ACTR6: variants seen among roughly 807,000 people sequenced by gnomAD.
The protein encoded by ACTR6 is actin-related protein 6.
A neutral mutation model predicts 52.5 loss-of-function variants in ACTR6; 50 were observed. The ratio of observed to expected loss-of-function variants is 0.95; its 90% CI spans 0.76 to 1.20. The LOEUF (loss-of-function observed/expected upper bound fraction) is 1.20, where lower values mean the gene tolerates loss of function less well. ACTR6 is among the 50% of genes most tolerant of loss of function. The pLI, the probability that ACTR6 is intolerant of heterozygous loss-of-function variation, is 0.00. For synonymous variants in ACTR6, 135 were observed against 147.2 expected (o/e 0.92, Z 0.60); for missense variants, 344 against 472.4 (o/e 0.73, Z 2.52).
rs557880831 is a variant in ACTR6 at position 100,203,267 on chromosome 12, T to A, written c.69-1673T>A. ...GGTTGGGGATCCCTGCCCTATAGCA[T>A]CTTGCTGATTGAAGATCTTTGGCTT... is the stretch of plus-strand genomic sequence containing the variant. On this transcript the variant is annotated intron_variant, in intron 1 of 10. Transcript: ENST00000188312. Among the ~76,000 whole-genome samples the A allele has an allele frequency of 5.3e-5, 8 of 152,232 alleles. No homozygotes were observed. The East Asian group carries it at 1.5e-3, about 29-fold the overall frequency.
In ACTR6 at chr12:100,207,469, ATGT is replaced by A. The variant is rs145672294; in HGVS notation, c.256-193_256-191del. ...GACTCCCTGGATTCAAATCTTACCT[ATGT>A]CATTAAATAGCTCTATGAACTTGGT... On this transcript the variant is annotated intron_variant, in intron 3 of 10. Transcript: ENST00000188312. 8.1e-3 allele frequency among the ~76,000 whole-genome samples: 1,228 copies of A among 152,262 alleles called. 7 individuals carry two copies. The highest frequency in any genetic ancestry group is 0.014 in the Non-Finnish European group (921 of 68,020).
chr12:100,218,781 A>G lies in ACTR6; in HGVS notation c.922+195A>G, dbSNP rs2096125795. ...TTATAAGTTTTTTTTTGTGATTATA[A>G]ATTCGATAGAGGAAAAATCATTATG... On this transcript the variant is annotated intron_variant, in intron 9 of 10. Transcript: ENST00000188312. The surrounding 1 kb of genome is among the most constrained non-coding windows in gnomAD (Gnocchi z 4.2). Among the ~76,000 whole-genome samples, 1 of 151,538 alleles carries G rather than the reference A, an allele frequency of 6.6e-6. No homozygotes were observed. Among genetic ancestry groups the G allele is most frequent in the Non-Finnish European group, 1.5e-5 (1 of 68,008 alleles).
rs182589437 is a variant in ACTR6, at chr12:100,204,533, G to T, written c.69-407G>T. Among the ~76,000 whole-genome samples, 642 of 152,054 alleles carry T rather than the reference G, an allele frequency of 4.2e-3. 4 individuals carry two copies. The highest frequency in any genetic ancestry group is 0.014 in the African/African-American group (593 of 41,474). ...GTGCCACCATGCCTGGCTAATTTTT[G>T]TGTTTTTTTTTAGTAGAGGTAGGGT... On this transcript the variant is annotated intron_variant, in intron 1 of 10. Transcript: ENST00000188312.
intron 8 of ACTR6, among the ~76,000 whole-genome samples, chr12:100,213,718 C>T (rs1177046096): frequency 6.6e-6 from 1 of 152,128 alleles, no homozygotes; most frequent in African/African-American, 2.4e-5. Flanking sequence ...AATGGCATTT[C>T]AAAGTGTTGA....
intron 4 of ACTR6, 124 bp downstream of exon 4, chr12:100,207,910 C>T (rs1251822737): frequency 2.7e-6 from 3 of 1,090,912 alleles, no homozygotes; most frequent in Non-Finnish European, 2.7e-6. Flanking sequence ...CCTGTAACCC[C>T]ATCAGTTTGG....
chr12:100,221,569 TA>T (rs1284695756), intron 10 of ACTR6: 1 of 152,074 alleles, frequency 6.6e-6, no homozygotes, highest in Non-Finnish European at 1.5e-5. Flanking sequence ...TATATATGTA[TA>T]AATATATGTG....
chr12:100,212,634 G>C, intron 8 of ACTR6, 106 bp downstream of exon 8: 1 of 726,874 alleles, frequency 1.4e-6, no homozygotes, highest in Non-Finnish European at 2.4e-6. Context: ...GGGCAACAAA[G>C]CAAGCCCCTG....
At chr12:100,205,179 TA>T in intron 2 of ACTR6, 122 bp downstream of exon 2, 1 of 547,756 alleles carries the variant, frequency 1.8e-6, no homozygotes, top group Non-Finnish European at 3.1e-6. Context: ...AAACCCAAAT[TA>T]AAATTTAATT....
chr12:100,210,383 G>A, intron 6 of ACTR6, 32 bp downstream of exon 6: 7 of 1,595,622 alleles, frequency 4.4e-6, no homozygotes, highest in African/African-American at 1.3e-5. Context: ...TTGGGAGGAT[G>A]GGGCTCTGGG....
At chr12:100,208,708 A>G (rs1395943776) in intron 4 of ACTR6, 7 of 456,002 alleles carry the variant, frequency 1.5e-5, no homozygotes, top group South Asian at 1.1e-4. Flanking sequence ...TGAGGTAGTT[A>G]TCTTTCCTGT....
Position 100,218,247 on chromosome 12 carries a change from C to T in ACTR6, c.751-168C>T, listed in dbSNP as rs1373727164. ...GTTGTGTTTTGTGTGATTTTGGCAA[C>T]AGTAAAGGCAGCCACACATTCTTCT... On this transcript the variant is annotated intron_variant, in intron 8 of 10. Coordinates refer to ENST00000188312, the MANE Select transcript of ACTR6 (RefSeq NM_022496.5). This position sits in a 1 kb window ranked among gnomAD's most constrained non-coding sequence, Gnocchi z 4.2. Among the ~76,000 whole-genome samples the T allele has an allele frequency of 2.0e-5, 3 of 152,076 alleles. No homozygotes were observed. Among genetic ancestry groups the T allele is most frequent in the East Asian group, 1.9e-4 (1 of 5,188 alleles).
intron 8 of ACTR6, among the ~76,000 whole-genome samples, chr12:100,214,166 AAT>A (rs1248153725): frequency 6.6e-6 from 1 of 152,204 alleles, no homozygotes; most frequent in Non-Finnish European, 1.5e-5. Context: ...TGAGAATAAT[AAT>A]ATGTTATTAA....
intron 1 of ACTR6, chr12:100,203,643 A>ATT (rs2096111788): frequency 1.6e-5 from 2 of 126,958 alleles, no homozygotes; most frequent in South Asian, 2.5e-4. Context: ...TAACTTGTGA[A>ATT]TCTTTTTTTT....
intron 10 of ACTR6, among the ~76,000 whole-genome samples, chr12:100,221,356 C>T (rs1328360497): frequency 1.3e-5 from 2 of 152,144 alleles, no homozygotes; most frequent in East Asian, 3.8e-4. Context: ...ATTGGTATCA[C>T]TTTCTTTTAT....
chr12:100,209,605 T>C (rs2096118176), intron 4 of ACTR6, among the ~76,000 whole-genome samples: 1 of 152,176 alleles, frequency 6.6e-6, no homozygotes, highest in South Asian at 2.1e-4. Flanking sequence ...AGTTCTGAGG[T>C]CTCAACCTAC....
At chr12:100,206,388 C>G (rs12303016) in intron 3 of ACTR6, 6,208 of 152,194 alleles carry the variant, frequency 0.041, 169 homozygotes, top group African/African-American at 0.082. Context: ...TGAGGCAGGA[C>G]AATTGCTTGA....
At position 100,214,583 on chromosome 12, in the gene ACTR6, A is replaced by G. The variant is rs370930856; in HGVS notation, c.750+2055A>G. Among the ~76,000 whole-genome samples, 51 of 152,086 alleles carry G rather than the reference A, an allele frequency of 3.4e-4. No individual in the cohort carries two copies. In the East Asian group the frequency reaches 9.5e-3, roughly 28 times the overall value. On this transcript the variant is annotated intron_variant, in intron 8 of 10. Transcript: ENST00000188312. ...TCTACAAAAAAAAAAAAAAAAATTA[A>G]AATTAGCTGGGCATGGTGTCACACA...
intron 4 of ACTR6, 87 bp downstream of exon 4, chr12:100,207,873 C>T: frequency 1.4e-6 from 2 of 1,455,970 alleles, no homozygotes; most frequent in South Asian, 1.1e-5. Flanking sequence ...TATTAAGTGG[C>T]ATTCTTGGCT....
intron 8 of ACTR6, among the ~76,000 whole-genome samples, chr12:100,214,519 T>A (rs564873175): frequency 1.3e-5 from 2 of 150,922 alleles, no homozygotes; most frequent in East Asian, 3.9e-4. Context: ...GTGGGAGGAT[T>A]GTTTGAGACC....
Sources: allele counts gnomAD v4.1 joint callset (sites outside exome capture counted in the v4.1 genomes callset), GRCh38; gene constraint gnomAD v4.1.1; non-coding constraint Gnocchi (gnomAD v3.1); transcripts MANE v1.5; gene names NCBI Gene and HGNC (gene_info 2026-07-23, HGNC 2026-07-21).